The following RERE variants were observed in gnomAD, a reference collection of about 807,000 sequenced individuals.
RERE encodes arginine-glutamic acid dipeptide repeats.
Under a neutral mutation model 146.1 loss-of-function variants are expected in RERE, and 40 were observed. That is an observed-to-expected ratio of 0.27 (90% CI 0.21 to 0.36). The LOEUF (loss-of-function observed/expected upper bound fraction) is 0.36, where lower values mean the gene tolerates loss of function less well. Among genes scored for constraint, RERE ranks in the 10% least tolerant of loss-of-function variants. The pLI, the probability that RERE is intolerant of heterozygous loss-of-function variation, is 1.00. For synonymous variants in RERE, 1,003 were observed against 866.0 expected (o/e 1.16, Z -2.78); for missense variants, 1,933 against 2,138.7 (o/e 0.90, Z 1.90).
chr1:8,780,626 G>A (rs369037396), intron 1 of RERE, among the ~76,000 whole-genome samples: 4 of 152,124 alleles, frequency 2.6e-5, no homozygotes, highest in East Asian at 1.9e-4. Flanking sequence ...GATTTCACCC[G>A]CTGGAAATAG....
intron 1 of RERE, among the ~76,000 whole-genome samples, chr1:8,751,461 A>G (rs188094999): frequency 7.2e-4 from 109 of 152,312 alleles, no homozygotes; most frequent in Admixed American, 6.9e-3. Context: ...CTGATGGAAG[A>G]ATTTAAGAGA....
chr1:8,461,357 A>T (rs1054279655), intron 11 of RERE, among the ~76,000 whole-genome samples: 11 of 152,170 alleles, frequency 7.2e-5, no homozygotes, highest in African/African-American at 2.7e-4. Context: ...TCTCAGAGGC[A>T]GAAGGCAGCC....
intron 3 of RERE, among the ~76,000 whole-genome samples, chr1:8,619,235 A>T (rs1292396831): frequency 6.6e-6 from 1 of 152,172 alleles, no homozygotes; most frequent in African/African-American, 2.4e-5. Flanking sequence ...ATCTATGTGG[A>T]GCCGTAACAA....
At chr1:8,533,642 G>A (rs938596470) in intron 7 of RERE, among the ~76,000 whole-genome samples, 1 of 152,172 alleles carries the variant, frequency 6.6e-6, no homozygotes, top group East Asian at 1.9e-4. Flanking sequence ...AAACAGGTGG[G>A]TTTCCCTGTT....
At chr1:8,558,080 G>T (rs1443816222) in intron 4 of RERE, among the ~76,000 whole-genome samples, 1 of 152,142 alleles carries the variant, frequency 6.6e-6, no homozygotes, top group South Asian at 2.1e-4. Context: ...TGAATATAGC[G>T]AAGAATGGGT....
chr1:8,673,333 TGA>T (rs1268993885), intron 1 of RERE, among the ~76,000 whole-genome samples: 1 of 152,138 alleles, frequency 6.6e-6, no homozygotes, highest in Non-Finnish European at 1.5e-5. Flanking sequence ...TGACCTCAGG[TGA>T]TCCACCTGCC....
intron 2 of RERE, among the ~76,000 whole-genome samples, chr1:8,654,056 T>C (rs1018026715): frequency 6.9e-6 from 1 of 144,586 alleles, no homozygotes; most frequent in Non-Finnish European, 1.5e-5. Flanking sequence ...GGGGGAGGGG[T>C]GGAGACAGGG....
intron 1 of RERE, among the ~76,000 whole-genome samples, chr1:8,728,137 T>A (rs1345004491): frequency 6.6e-6 from 1 of 152,208 alleles, no homozygotes; most frequent in African/African-American, 2.4e-5. Context: ...GGGATCTTAA[T>A]GCACTAATGA....
intron 11 of RERE, 197 bp downstream of exon 11, chr1:8,465,728 A>G (rs1424349357): frequency 1.5e-6 from 1 of 672,016 alleles, no homozygotes; most frequent in Non-Finnish European, 2.7e-6. Context: ...ACATCTATGA[A>G]GCCTAATCTT....
intron 1 of RERE, chr1:8,750,929 T>TTGACAGATAACGCTTTGATTGCTC: frequency 1.3e-6 from 1 of 773,286 alleles, no homozygotes; most frequent in Non-Finnish European, 2.3e-6. Flanking sequence ...GCAAATTGCT[T>TTGACAGATAACGCTTTGATTGCTC]TGACAGATAA....
chr1:8,573,274 G>T (rs1250858041), intron 4 of RERE, among the ~76,000 whole-genome samples: 2 of 152,034 alleles, frequency 1.3e-5, no homozygotes, highest in African/African-American at 4.8e-5. Context: ...ACAGCCCAGA[G>T]GTAACCACCA....
intron 12 of RERE, among the ~76,000 whole-genome samples, chr1:8,411,939 T>G (rs1643628412): frequency 6.6e-6 from 1 of 152,118 alleles, no homozygotes; most frequent in Non-Finnish European, 1.5e-5. Flanking sequence ...TCTCGCCAAA[T>G]GAAAACACCT....
At chr1:8,507,147 C>A (rs184902850) in intron 8 of RERE, among the ~76,000 whole-genome samples, 10 of 152,258 alleles carry the variant, frequency 6.6e-5, no homozygotes, top group South Asian at 4.2e-4. Flanking sequence ...GTGGCACATG[C>A]CTTTAGTCCC....
chr1:8,477,177 T>C (rs1028558508), intron 10 of RERE, among the ~76,000 whole-genome samples: 1 of 152,200 alleles, frequency 6.6e-6, no homozygotes, highest in Non-Finnish European at 1.5e-5. Flanking sequence ...ACTTCTTTTT[T>C]TATAAATGCG....
intron 1 of RERE, among the ~76,000 whole-genome samples, chr1:8,749,954 C>A (rs1396130587): frequency 6.6e-6 from 1 of 152,080 alleles, no homozygotes; most frequent in Non-Finnish European, 1.5e-5. Flanking sequence ...GAGTTCGAGA[C>A]CAAGCTGGCC....
At chr1:8,786,346 T>C (rs1340018265) in intron 1 of RERE, 3 of 854,420 alleles carry the variant, frequency 3.5e-6, no homozygotes, top group Non-Finnish European at 5.9e-6. Flanking sequence ...TTTAAAGCGT[T>C]TTCCAACAGT....
chr1:8,417,311 T>A (rs1643803997), intron 12 of RERE, among the ~76,000 whole-genome samples: 1 of 152,186 alleles, frequency 6.6e-6, no homozygotes, highest in Non-Finnish European at 1.5e-5. Context: ...CAAATGACAT[T>A]TTGCCTGAAG....
intron 12 of RERE, among the ~76,000 whole-genome samples, chr1:8,420,716 T>C (rs1340803155): frequency 6.6e-6 from 1 of 152,088 alleles, no homozygotes; most frequent in African/African-American, 2.4e-5. Flanking sequence ...GATGAAGACT[T>C]TGGAAATAGG....
At chr1:8,710,110 T>G (rs1174791689) in intron 1 of RERE, among the ~76,000 whole-genome samples, 2 of 152,236 alleles carry the variant, frequency 1.3e-5, no homozygotes, top group Non-Finnish European at 2.9e-5. Flanking sequence ...GCTGTTTCTG[T>G]GTTTGTGATT....
Sources: allele counts gnomAD v4.1 joint callset (sites outside exome capture counted in the v4.1 genomes callset), GRCh38; gene constraint gnomAD v4.1.1; transcripts MANE v1.5; gene names NCBI Gene and HGNC (gene_info 2026-07-23, HGNC 2026-07-21).